Variants in PDLIM5 observed in about 807,000 individuals in gnomAD.
PDLIM5 encodes the protein PDZ and LIM domain 5, also known as PDZ and LIM domain protein 5.
PDLIM5 carries 34 observed loss-of-function variants against 64.2 expected under a neutral mutation model. The observed-to-expected ratio is 0.53, with a 90% confidence interval of 0.40 to 0.71. The LOEUF is 0.71. PDLIM5 is among the 30% of genes least tolerant of loss of function. The pLI, the probability that PDLIM5 is intolerant of heterozygous loss-of-function variation, is 0.00. For missense variants in PDLIM5, 683 were observed against 733.6 expected (o/e 0.93, Z 0.80); for synonymous variants, 253 against 269.1 (o/e 0.94, Z 0.59).
chr4:94,573,825 A>G (rs193254316), intron 4 of PDLIM5: 282 of 169,072 alleles, frequency 1.7e-3, no homozygotes, highest in African/African-American at 6.3e-3. Context: ...TCTTGCATAT[A>G]TGTCTTCAAA....
intron 8 of PDLIM5, among the ~76,000 whole-genome samples, chr4:94,619,106 C>T (rs1406304735): frequency 6.6e-6 from 1 of 152,170 alleles, no homozygotes; most frequent in African/African-American, 2.4e-5. Context: ...GGGAATTGCA[C>T]ATCCACTCAG....
At chr4:94,513,679 G>C (rs189724421) in intron 2 of PDLIM5, among the ~76,000 whole-genome samples, 2 of 152,224 alleles carry the variant, frequency 1.3e-5, no homozygotes, top group Non-Finnish European at 2.9e-5. Flanking sequence ...AGGATAATTT[G>C]ACTTCTTCCT....
At chr4:94,546,839 C>CT (rs1560693383) in intron 3 of PDLIM5, among the ~76,000 whole-genome samples, 1 of 151,606 alleles carries the variant, frequency 6.6e-6, no homozygotes, top group Non-Finnish European at 1.5e-5. Context: ...AGGCCCCCCC[C>CT]ACCTTTTTCA....
chr4:94,470,199 C>T (rs552600256), intron 2 of PDLIM5, among the ~76,000 whole-genome samples: 1 of 152,104 alleles, frequency 6.6e-6, no homozygotes, highest in African/African-American at 2.4e-5. Flanking sequence ...CTCCTGACCT[C>T]GTGATCCGCC....
chr4:94,576,756 T>G (rs973995), intron 5 of PDLIM5, among the ~76,000 whole-genome samples: 54,708 of 152,080 alleles, frequency 0.36, 11,947 homozygotes, highest in South Asian at 0.68. Flanking sequence ...TTTCTTATCG[T>G]TTTTCCCTTT....
At chr4:94,556,692 G>A (rs1251106868) in intron 3 of PDLIM5, among the ~76,000 whole-genome samples, 5 of 152,114 alleles carry the variant, frequency 3.3e-5, no homozygotes, top group Non-Finnish European at 5.9e-5. Context: ...TGTTGGCTGC[G>A]TAAATGTCTT....
At chr4:94,567,237 C>A (rs1034420223) in intron 3 of PDLIM5, among the ~76,000 whole-genome samples, 7 of 152,162 alleles carry the variant, frequency 4.6e-5, no homozygotes, top group African/African-American at 1.7e-4. Flanking sequence ...TCGTGATCTG[C>A]CCACCTTGGC....
At chr4:94,538,834 A>G (rs1305604003) in intron 3 of PDLIM5, among the ~76,000 whole-genome samples, 1 of 152,140 alleles carries the variant, frequency 6.6e-6, no homozygotes, top group Non-Finnish European at 1.5e-5. Flanking sequence ...AACTGTACAT[A>G]TGTAGAGCTT....
intron 8 of PDLIM5, among the ~76,000 whole-genome samples, chr4:94,635,104 G>A (rs555809062): frequency 1.1e-4 from 16 of 152,110 alleles, no homozygotes; most frequent in African/African-American, 1.7e-4. Flanking sequence ...CTCATAAATA[G>A]CAATTTTAAA....
At chr4:94,634,560 T>C (rs1740406709) in intron 8 of PDLIM5, among the ~76,000 whole-genome samples, 1 of 152,224 alleles carries the variant, frequency 6.6e-6, no homozygotes, top group Non-Finnish European at 1.5e-5. Context: ...TTTTTTCGCA[T>C]AGTGTATGTC....
chr4:94,579,602 C>A, intron 5 of PDLIM5: 1 of 779,070 alleles, frequency 1.3e-6, no homozygotes, highest in Non-Finnish European at 1.9e-6. Context: ...GCATGAATGC[C>A]TGATTTTTGC....
intron 3 of PDLIM5, among the ~76,000 whole-genome samples, chr4:94,552,172 A>G (rs903899473): frequency 2.0e-5 from 3 of 152,088 alleles, no homozygotes; most frequent in African/African-American, 7.2e-5. Flanking sequence ...TTTGATGGCT[A>G]TTTTTTATGT....
Position 94,574,624 on chromosome 4 carries a change from G to T in PDLIM5, c.292-992G>T, listed in dbSNP as rs558431002. 1.3e-4 allele frequency among the ~76,000 whole-genome samples: 20 copies of T among 152,228 alleles called. No homozygotes were observed. In the South Asian group the frequency reaches 3.9e-3, roughly 30 times the overall value. ...TTTTGATATGGTAGGGTGGAATAGG[G>T]ATTTATTCTTGATCTGAAGTCTAAC... On this transcript the variant is annotated intron_variant, in intron 4 of 12. Transcript: ENST00000317968.
In PDLIM5 at chr4:94,470,999, G is replaced by C. The variant is rs188248861; in HGVS notation, c.96+15615G>C. Among the ~76,000 whole-genome samples the C allele has an allele frequency of 8.2e-3, 1,252 of 152,210 alleles. 6 individuals are homozygous for C. The highest frequency in any genetic ancestry group is 0.013 in the Non-Finnish European group (889 of 68,006). On this transcript the variant is annotated intron_variant, in intron 2 of 12. Transcript: ENST00000317968. The stretch of plus-strand genomic sequence containing the variant: ...TCAAGAGAAGAGATCATGTGCAGGG[G>C]AACTCCCCTTTATAAACCCATCAGG...
At chr4:94,460,888 A>G (rs1723818475) in intron 2 of PDLIM5, among the ~76,000 whole-genome samples, 1 of 152,210 alleles carries the variant, frequency 6.6e-6, no homozygotes, top group African/African-American at 2.4e-5. Context: ...GGTAGATTTG[A>G]TTATTATTAA....
At chr4:94,512,265 C>T (rs571640045) in intron 2 of PDLIM5, among the ~76,000 whole-genome samples, 9 of 152,134 alleles carry the variant, frequency 5.9e-5, no homozygotes, top group East Asian at 1.9e-4. Flanking sequence ...ATGATCCGCC[C>T]GCCTCAGCCT....
intron 2 of PDLIM5, among the ~76,000 whole-genome samples, chr4:94,487,922 T>A (rs1726501434): frequency 6.6e-6 from 1 of 152,164 alleles, no homozygotes; most frequent in Non-Finnish European, 1.5e-5. Context: ...TTTACCTAAT[T>A]AGTATATTAG....
At chr4:94,504,594 A>G (rs1460250096) in intron 2 of PDLIM5, among the ~76,000 whole-genome samples, 6 of 151,874 alleles carry the variant, frequency 4.0e-5, no homozygotes, top group Non-Finnish European at 5.9e-5. Context: ...CCGTTACGCT[A>G]TTTTCATGGA....
intron 7 of PDLIM5, among the ~76,000 whole-genome samples, chr4:94,612,476 C>T (rs560982128): frequency 2.5e-4 from 38 of 152,124 alleles, no homozygotes; most frequent in Non-Finnish European, 5.6e-4. Context: ...CTTGAGTACA[C>T]TTAGACCACA....
Sources: gnomAD v4.1 joint callset for allele counts (sites outside exome capture counted in the v4.1 genomes callset) on GRCh38, gnomAD v4.1.1 for gene constraint, MANE v1.5 for transcripts, NCBI Gene and HGNC (gene_info 2026-07-23, HGNC 2026-07-21) for gene names.